Variants in CNTNAP2 observed in about 807,000 individuals in gnomAD.
CNTNAP2 encodes contactin associated protein 2, also known as contactin-associated protein-like 2.
In CNTNAP2, 98 loss-of-function variants were observed where a neutral mutation model predicts 155.2. The ratio of observed to expected loss-of-function variants is 0.63; its 90% confidence interval spans 0.54 to 0.75. The LOEUF (loss-of-function observed/expected upper bound fraction) is 0.75. Ranked by LOEUF, CNTNAP2 falls within the 30% of genes least tolerant of loss-of-function variation. The pLI, the probability that CNTNAP2 is intolerant of heterozygous loss-of-function variation, is 0.00. For synonymous variants in CNTNAP2, 651 were observed against 631.2 expected, an observed-to-expected ratio of 1.03 and a Z score of -0.47; for missense variants, 1,727 against 1,688.1, an observed-to-expected ratio of 1.02 and a Z score of -0.40.
intron 1 of CNTNAP2, among the ~76,000 whole-genome samples, chr7:146,448,359 C>T (rs1347199306): frequency 4.6e-5 from 7 of 151,790 alleles, no homozygotes; most frequent in Admixed American, 3.9e-4. Context: ...CCCCTATACT[C>T]TGTAATTTCA....
intron 15 of CNTNAP2, among the ~76,000 whole-genome samples, chr7:147,995,123 G>A (rs80190237): frequency 0.034 from 5,247 of 152,244 alleles, 146 homozygotes; most frequent in South Asian, 0.13. Flanking sequence ...GCTCACTAGA[G>A]ACTCAGCACC....
chr7:146,389,970 C>T (rs563837161), intron 1 of CNTNAP2, among the ~76,000 whole-genome samples: 3 of 151,846 alleles, frequency 2.0e-5, no homozygotes, highest in African/African-American at 4.8e-5. Flanking sequence ...CAAAGTGCTA[C>T]GATTACAGAT....
intron 1 of CNTNAP2, among the ~76,000 whole-genome samples, chr7:146,177,520 G>A (rs1798487106): frequency 6.6e-6 from 1 of 152,100 alleles, no homozygotes; most frequent in African/African-American, 2.4e-5. Context: ...AAAAACAGCA[G>A]TAAAAGCCAA....
At chr7:146,277,803 T>C (rs1800187479) in intron 1 of CNTNAP2, among the ~76,000 whole-genome samples, 1 of 152,174 alleles carries the variant, frequency 6.6e-6, no homozygotes, top group South Asian at 2.1e-4. Context: ...TTGGTCTGGC[T>C]AGAAATTTCA....
intron 13 of CNTNAP2, among the ~76,000 whole-genome samples, chr7:147,852,943 G>A (rs1222310601): frequency 6.6e-6 from 1 of 152,084 alleles, no homozygotes; most frequent in Non-Finnish European, 1.5e-5. Flanking sequence ...TTAATCCAGT[G>A]CTCAAGTAGG....
intron 1 of CNTNAP2, among the ~76,000 whole-genome samples, chr7:146,617,155 G>A (rs1799240301): frequency 6.6e-6 from 1 of 152,190 alleles, no homozygotes; most frequent in African/African-American, 2.4e-5. Context: ...GAGTAGCTGG[G>A]ATGGAAACCT....
At chr7:146,873,682 C>T (rs1408749268) in intron 3 of CNTNAP2, among the ~76,000 whole-genome samples, 2 of 151,868 alleles carry the variant, frequency 1.3e-5, no homozygotes, top group Non-Finnish European at 2.9e-5. Flanking sequence ...TGGCTTGTTT[C>T]GGGGAACTAC....
intron 3 of CNTNAP2, among the ~76,000 whole-genome samples, chr7:147,031,715 C>G (rs544011664): frequency 1.6e-4 from 25 of 152,266 alleles, no homozygotes; most frequent in African/African-American, 6.0e-4. Context: ...GTCAGGAGTT[C>G]CAGACCAGCC....
intron 16 of CNTNAP2, among the ~76,000 whole-genome samples, chr7:148,139,592 C>T (rs1013042877): frequency 3.3e-5 from 5 of 151,976 alleles, no homozygotes; most frequent in African/African-American, 1.2e-4. Flanking sequence ...GGCGTGATCT[C>T]GGCTCACTGC....
intron 20 of CNTNAP2, among the ~76,000 whole-genome samples, chr7:148,251,822 G>A (rs1796367529): frequency 6.6e-6 from 1 of 152,148 alleles, no homozygotes; most frequent in South Asian, 2.1e-4. Flanking sequence ...CTTCCTAAAT[G>A]CCAAGGGTAT....
At chr7:146,655,129 A>G (rs898288008) in intron 1 of CNTNAP2, among the ~76,000 whole-genome samples, 3 of 152,040 alleles carry the variant, frequency 2.0e-5, no homozygotes, top group Non-Finnish European at 4.4e-5. Flanking sequence ...AATTCTCTGA[A>G]TATGTCACAT....
chr7:147,287,017 C>T (rs1014301198), intron 8 of CNTNAP2, among the ~76,000 whole-genome samples: 1 of 152,106 alleles, frequency 6.6e-6, no homozygotes, highest in Non-Finnish European at 1.5e-5. Context: ...TTCAGTGACA[C>T]TTGTTACGGC....
intron 21 of CNTNAP2, among the ~76,000 whole-genome samples, chr7:148,346,279 C>T (rs900149697): frequency 6.6e-6 from 1 of 152,150 alleles, no homozygotes; most frequent in East Asian, 1.9e-4. Context: ...CTGTTTTCTA[C>T]ACTTATTTAG....
At chr7:147,582,863 A>G (rs28563946) in intron 12 of CNTNAP2, among the ~76,000 whole-genome samples, 1,606 of 152,240 alleles carry the variant, frequency 0.011, 39 homozygotes, top group African/African-American at 0.037. Flanking sequence ...TCCTTATGCA[A>G]AACAATGTTC....
intron 1 of CNTNAP2, among the ~76,000 whole-genome samples, chr7:146,635,429 G>C (rs1045194842): frequency 6.6e-6 from 1 of 152,148 alleles, no homozygotes; most frequent in African/African-American, 2.4e-5. Context: ...GGCTGTCATG[G>C]CTTTGTGTGG....
intron 8 of CNTNAP2, among the ~76,000 whole-genome samples, chr7:147,190,514 G>A (rs543736132): frequency 9.2e-5 from 14 of 152,248 alleles, no homozygotes; most frequent in Middle Eastern, 3.4e-3. Context: ...ATTTTTATCA[G>A]TTGTTCTTTG....
At chr7:147,920,651 A>G (rs1389248226) in intron 14 of CNTNAP2, among the ~76,000 whole-genome samples, 4 of 152,132 alleles carry the variant, frequency 2.6e-5, no homozygotes, top group Admixed American at 6.5e-5. Context: ...TCCCTGCTAT[A>G]TATCAGGCAC....
At chr7:147,488,754 G>C (rs1478541370) in intron 11 of CNTNAP2, among the ~76,000 whole-genome samples, 1 of 152,008 alleles carries the variant, frequency 6.6e-6, no homozygotes, top group African/African-American at 2.4e-5. Context: ...AGGCCTTTTT[G>C]CTTGGTCACT....
At chr7:148,352,910 C>G (rs901229859) in intron 21 of CNTNAP2, among the ~76,000 whole-genome samples, 16 of 152,182 alleles carry the variant, frequency 1.1e-4, no homozygotes, top group Non-Finnish European at 1.5e-5. Flanking sequence ...TTACCTTTCC[C>G]CAAAGTCCCC....
Sources: allele counts gnomAD v4.1 joint callset (sites outside exome capture counted in the v4.1 genomes callset), GRCh38; gene constraint gnomAD v4.1.1; transcripts MANE v1.5; gene names NCBI Gene and HGNC (gene_info 2026-07-23, HGNC 2026-07-21).